Variants in EHMT1 observed in about 807,000 individuals in gnomAD.
EHMT1 encodes the protein euchromatic histone lysine methyltransferase 1.
Under a neutral mutation model 147.2 loss-of-function variants are expected in EHMT1, and 15 were observed. That is an observed-to-expected ratio of 0.10 (90% confidence interval 0.07 to 0.16). The LOEUF (loss-of-function observed/expected upper bound fraction) is 0.16, where lower values mean the gene tolerates loss of function less well. Ranked by LOEUF, EHMT1 falls within the 10% of genes least tolerant of loss-of-function variation. The pLI, the probability that EHMT1 is intolerant of heterozygous loss-of-function variation, is 1.00. For synonymous variants in EHMT1, 795 were observed against 709.6 expected, an observed-to-expected ratio of 1.12 and a Z score of -1.91; for missense variants, 1,587 against 1,772.4, an observed-to-expected ratio of 0.90 and a Z score of 1.88.
At position 137,782,728 on chromosome 9, in the gene EHMT1, C is replaced by T. The variant is rs1242654218; in HGVS notation, c.2382+331C>T. On this transcript the variant is annotated intron_variant, in intron 15 of 26. Transcript: ENST00000460843. The surrounding 1 kb of genome is among the most constrained non-coding windows in gnomAD (Gnocchi z 5.7). ...CGCAGAGGCACGGACGCCCCTCCCC[C>T]AGCCCCGTTGACTGGCTCCCATTTT... Among the ~76,000 whole-genome samples the T allele has an allele frequency of 2.0e-5, 3 of 152,200 alleles. No homozygotes were observed. Among genetic ancestry groups the T allele is most frequent in the Non-Finnish European group, 4.4e-5 (3 of 68,030 alleles).
intron 6 of EHMT1, among the ~76,000 whole-genome samples, chr9:137,748,395 C>T (rs1948716215): frequency 6.6e-6 from 1 of 152,210 alleles, no homozygotes; most frequent in South Asian, 2.1e-4. Flanking sequence ...GCTCTCGTGT[C>T]TGTGTCCGTC....
At chr9:137,722,471 G>A (rs1052798183) in intron 3 of EHMT1, among the ~76,000 whole-genome samples, 8 of 152,246 alleles carry the variant, frequency 5.3e-5, no homozygotes, top group African/African-American at 1.2e-4. Context: ...CTGCCTCTCC[G>A]CACCCTGGAG....
intron 1 of EHMT1, among the ~76,000 whole-genome samples, chr9:137,627,702 ATT>A (rs71296960): frequency 1.5e-5 from 2 of 136,126 alleles, no homozygotes; most frequent in Non-Finnish European, 1.6e-5. Flanking sequence ...TATAAGCTGG[ATT>A]TTTTTTTTTT....
chr9:137,720,904 G>A (rs2135588104), intron 3 of EHMT1, among the ~76,000 whole-genome samples: 2 of 152,178 alleles, frequency 1.3e-5, no homozygotes, highest in South Asian at 2.1e-4. Flanking sequence ...TATGGCCTTC[G>A]GGTGTTTCAT....
chr9:137,673,814 A>G (rs1237644893), intron 1 of EHMT1, among the ~76,000 whole-genome samples: 1 of 152,198 alleles, frequency 6.6e-6, no homozygotes, highest in Non-Finnish European at 1.5e-5. Flanking sequence ...AAATGACACA[A>G]TTACTATGAA....
chr9:137,623,413 A>G (rs1843058292), intron 1 of EHMT1, among the ~76,000 whole-genome samples: 1 of 148,214 alleles, frequency 6.7e-6, no homozygotes, highest in South Asian at 2.1e-4. Context: ...CTGAAAATGT[A>G]TTTACTCTTT....
At chr9:137,655,725 C>T (rs1564546276) in intron 1 of EHMT1, among the ~76,000 whole-genome samples, 1 of 152,120 alleles carries the variant, frequency 6.6e-6, no homozygotes. Flanking sequence ...CTCATAGGAG[C>T]GAGGACCCTG....
intron 6 of EHMT1, among the ~76,000 whole-genome samples, chr9:137,752,122 C>T (rs1949016990): frequency 6.6e-6 from 1 of 152,202 alleles, no homozygotes; most frequent in Non-Finnish European, 1.5e-5. Flanking sequence ...CAGAGTGTGT[C>T]TCTGGCCCTG....
rs780620347 is a variant in EHMT1, at chr9:137,813,485, C to T, written c.3135C>T (p.Cys1045=). ...PSNYKYVSQN[C]VTSPMNIDRN... ...ACTACAAGTACGTCTCTCAGAACTGCGTGACGTCCCCCATGAACATCGACA... is the reference window on the plus strand; with the variant it reads ...ACTACAAGTACGTCTCTCAGAACTGTGTGACGTCCCCCATGAACATCGACA... The change falls in exon 21 of 27, where the codon TGC becomes TGT. Residue 1045 remains cysteine, a synonymous_variant. Transcript: ENST00000460843. The surrounding 1 kb of genome is among the most constrained non-coding windows in gnomAD (Gnocchi z 4.9). 5 of 1,614,078 alleles carry T rather than the reference C, an allele frequency of 3.1e-6. 1 individual carries two copies. The highest frequency in any genetic ancestry group is 1.6e-4 in the Middle Eastern group (1 of 6,062).
chr9:137,722,667 G>A (rs1326661416), intron 3 of EHMT1, among the ~76,000 whole-genome samples: 1 of 151,942 alleles, frequency 6.6e-6, no homozygotes, highest in Non-Finnish European at 1.5e-5. Context: ...AGAGACTGTG[G>A]GTGGGTGGGT....
intron 1 of EHMT1, among the ~76,000 whole-genome samples, chr9:137,688,001 A>G (rs1323350568): frequency 2.6e-5 from 4 of 151,978 alleles, no homozygotes; most frequent in Non-Finnish European, 5.9e-5. Flanking sequence ...TGTTTTGATA[A>G]ATTTATTTCT....
intron 1 of EHMT1, among the ~76,000 whole-genome samples, chr9:137,656,985 C>T (rs1422741895): frequency 3.3e-5 from 5 of 152,152 alleles, no homozygotes; most frequent in Non-Finnish European, 5.9e-5. Flanking sequence ...AAGTGATTTG[C>T]CTGCCTCAGC....
At chr9:137,778,123 C>A (rs938923902) in intron 13 of EHMT1, 68 bp downstream of exon 13, 24 of 1,591,770 alleles carry the variant, frequency 1.5e-5, no homozygotes, top group Non-Finnish European at 2.1e-5. Context: ...GCGTTTTTCC[C>A]CATGGTGTCA....
At position 137,787,662 on chromosome 9, in the gene EHMT1, G is replaced by A. The variant is rs185437874; in HGVS notation, c.2383-3186G>A. Reference sequence around the variant, plus strand: ...GAGGGAGGAGGGGCCTGTCTTAAGAGCCTCACAGGCTGCACCGGGAGAGCA... The same window carrying A: ...GAGGGAGGAGGGGCCTGTCTTAAGAACCTCACAGGCTGCACCGGGAGAGCA... On this transcript the variant is annotated intron_variant, in intron 15 of 26. Transcript: ENST00000460843. This position sits in a 1 kb window ranked among gnomAD's most constrained non-coding sequence, Gnocchi z 4.2. 3,283 of 622,584 alleles carry A rather than the reference G, an allele frequency of 5.3e-3. 19 individuals carry two copies. Among genetic ancestry groups the A allele is most frequent in the Middle Eastern group, 0.024 (60 of 2,544 alleles). The allele number at this position is 622,584 out of a possible 1,614,324, so 38.6% of individuals were successfully genotyped here.
chr9:137,798,799 C>T lies in EHMT1; in HGVS notation c.2506-14C>T. The T allele has an allele frequency of 4.3e-6, 7 of 1,609,642 alleles. No homozygotes were observed. The South Asian group carries it at 7.7e-5, about 18-fold the overall frequency. On this transcript the variant is annotated splice_polypyrimidine_tract_variant and intron_variant, in intron 16 of 26. Transcript: ENST00000460843. ...AGGTATGGATTCTTTGACTAAGTGG[C>T]ATTTCTGTTGCAGGACGCAGAGGGC...
intron 1 of EHMT1, among the ~76,000 whole-genome samples, chr9:137,679,728 A>G (rs1038011616): frequency 1.3e-5 from 2 of 152,110 alleles, no homozygotes; most frequent in African/African-American, 4.8e-5. Flanking sequence ...AATACATTGG[A>G]TATTTTTTTC....
At chr9:137,633,739 A>G (rs1447847002) in intron 1 of EHMT1, among the ~76,000 whole-genome samples, 1 of 151,780 alleles carries the variant, frequency 6.6e-6, no homozygotes, top group African/African-American at 2.4e-5. Flanking sequence ...GGACTTCCCT[A>G]ATCCTCCCTC....
In EHMT1 at chr9:137,635,636, T is replaced by C. The variant is rs776740542; in HGVS notation, c.21+16587T>C. On this transcript the variant is annotated intron_variant, in intron 1 of 26. Coordinates refer to ENST00000460843, the MANE Select transcript of EHMT1 (RefSeq NM_024757.5). ...GAGATCGAGACCATCCTGGCTAACATGGTGAAACCCCGTCTCTACTAAAAA... is the reference window on the plus strand; with the variant it reads ...GAGATCGAGACCATCCTGGCTAACACGGTGAAACCCCGTCTCTACTAAAAA... 2.8e-3 allele frequency among the ~76,000 whole-genome samples: 421 copies of C among 150,982 alleles called. 2 individuals carry two copies. Among genetic ancestry groups the C allele is most frequent in the South Asian group, 5.9e-3 (28 of 4,732 alleles).
chr9:137,824,461 G>GT (rs111729585), intron 25 of EHMT1, among the ~76,000 whole-genome samples: 21,981 of 150,530 alleles, frequency 0.15, 5,251 homozygotes, highest in African/African-American at 0.5. Context: ...CTCATACTCG[G>GT]TTTTTTTTTC....
Sources: gnomAD v4.1 joint callset for allele counts (sites outside exome capture counted in the v4.1 genomes callset) on GRCh38, gnomAD v4.1.1 for gene constraint, Gnocchi (gnomAD v3.1) non-coding constraint, MANE v1.5 for transcripts, NCBI Gene and HGNC (gene_info 2026-07-23, HGNC 2026-07-21) for gene names.